The following C2orf76 variants were observed in gnomAD, a reference collection of about 807,000 sequenced individuals.
C2orf76 encodes the protein chromosome 2 open reading frame 76.
A neutral mutation model predicts 16.9 loss-of-function variants in C2orf76; 23 were observed. That is an observed-to-expected ratio of 1.36 (90% CI 0.98 to 1.93). The LOEUF (loss-of-function observed/expected upper bound fraction) is 1.93. Ranked by LOEUF, C2orf76 falls within the 30% of genes most tolerant of loss-of-function variation. C2orf76 has a pLI of 0.00. For synonymous variants in C2orf76, 48 were observed against 52.3 expected (o/e 0.92, Z 0.35); for missense variants, 152 against 152.6 (o/e 1.00, Z 0.02).
At position 119,329,541 on chromosome 2, in the gene C2orf76, T is replaced by C. The variant is rs373879114; in HGVS notation, c.134-8337A>G. Among the ~76,000 whole-genome samples the C allele has an allele frequency of 3.3e-5, 5 of 152,314 alleles. No homozygotes were observed. In the East Asian group the frequency reaches 7.7e-4, roughly 23 times the overall value. On this transcript the variant is annotated intron_variant, in intron 2 of 5. Coordinates refer to ENST00000334816, the MANE Select transcript of C2orf76 (RefSeq NM_001322331.2). ...AAGTTTGCTATTCTTTTAAATTTGTTCTCTATTTCCTCTTTTTCTATCTTC... is the reference window on the plus strand; with the variant it reads ...AAGTTTGCTATTCTTTTAAATTTGTCCTCTATTTCCTCTTTTTCTATCTTC...
intron 4 of C2orf76, among the ~76,000 whole-genome samples, chr2:119,314,506 C>T (rs756171831): frequency 1.3e-5 from 2 of 152,138 alleles, no homozygotes; most frequent in Non-Finnish European, 2.9e-5. Flanking sequence ...ATTTACTATA[C>T]ATTCAATTTC....
At chr2:119,296,762 C>G in the C2orf76 span, among the ~76,000 whole-genome samples, 18,031 of 152,178 alleles carry the variant, frequency 0.12, 2,469 homozygotes, top group African/African-American at 0.34. Context: ...CTCGTGGGAC[C>G]AGGGCCCAAG....
At chr2:119,346,488 A>G (rs1013431236) in intron 1 of C2orf76, among the ~76,000 whole-genome samples, 1 of 152,230 alleles carries the variant, frequency 6.6e-6, no homozygotes, top group Non-Finnish European at 1.5e-5. Context: ...TACAGGCAAC[A>G]ATCAGGGTGA....
At position 119,360,107 on chromosome 2, in the gene C2orf76, C is replaced by T. The variant is rs115419366; in HGVS notation, c.-13+6683G>A. ...GCCATCAACATTGAGGCAAGACCCT[C>T]GACCAGCAAAAGGATCATGACTCGT... On this transcript the variant is annotated intron_variant, in intron 1 of 5. Coordinates refer to ENST00000334816, the MANE Select transcript of C2orf76 (RefSeq NM_001322331.2). 4.0e-3 allele frequency among the ~76,000 whole-genome samples: 604 copies of T among 152,288 alleles called. 4 individuals carry two copies. Among genetic ancestry groups the T allele is most frequent in the African/African-American group, 0.011 (454 of 41,564 alleles).
Position 119,366,774 on chromosome 2 carries a change from C to G in C2orf76, c.-13+16G>C. On this transcript the variant is annotated intron_variant, in intron 1 of 5. Coordinates refer to ENST00000334816, the MANE Select transcript of C2orf76 (RefSeq NM_001322331.2). ...CCCGGCAGCAAAACTAAGCACCCTA[C>G]TTCCGTTGTCCCCACCTGTTCCCGG... The G allele has an allele frequency of 1.7e-6, 1 of 573,808 alleles. No individual in the cohort carries two copies. The highest frequency in any genetic ancestry group is 3.1e-6 in the Non-Finnish European group (1 of 323,600). The allele number at this position is 573,808 out of a possible 1,614,324, so 35.5% of individuals were successfully genotyped here. A position where few individuals can be genotyped will look rare whatever the true frequency, so the allele number is the denominator to read the frequency against.
intron 1 of C2orf76, among the ~76,000 whole-genome samples, chr2:119,359,650 A>C (rs1680681130): frequency 6.6e-6 from 1 of 152,236 alleles, no homozygotes; most frequent in Admixed American, 6.5e-5. Flanking sequence ...ATGTGGTGGA[A>C]ATAGCAAGAC....
chr2:119,296,516 G>A, the C2orf76 span, among the ~76,000 whole-genome samples: 3 of 152,086 alleles, frequency 2.0e-5, no homozygotes, highest in South Asian at 2.1e-4. Flanking sequence ...TCAGGCCCAC[G>A]ATGCCCCAAT....
At chr2:119,313,047 T>G (rs944031453) in intron 4 of C2orf76, among the ~76,000 whole-genome samples, 9 of 148,524 alleles carry the variant, frequency 6.1e-5, no homozygotes, top group Admixed American at 5.4e-4. Flanking sequence ...AAAAAAAAGT[T>G]GCTATCTGCC....
At chr2:119,335,305 T>C (rs1679813326) in intron 2 of C2orf76, among the ~76,000 whole-genome samples, 1 of 152,116 alleles carries the variant, frequency 6.6e-6, no homozygotes, top group Non-Finnish European at 1.5e-5. Context: ...AATGAACACA[T>C]CTAGTACCTA....
chr2:119,284,416 ACTT>A, the C2orf76 span, among the ~76,000 whole-genome samples: 3 of 152,042 alleles, frequency 2.0e-5, no homozygotes, highest in African/African-American at 4.8e-5. Flanking sequence ...AGGGCAGAAA[ACTT>A]CTCCACAGCA....
At chr2:119,340,813 C>T (rs1255940568) in intron 1 of C2orf76, among the ~76,000 whole-genome samples, 1 of 148,008 alleles carries the variant, frequency 6.8e-6, no homozygotes, top group East Asian at 2.0e-4. Flanking sequence ...AATTGGAAAA[C>T]CACCCCAAAT....
chr2:119,327,855 T>A (rs1328496559), intron 2 of C2orf76, among the ~76,000 whole-genome samples: 1 of 152,016 alleles, frequency 6.6e-6, no homozygotes, highest in Non-Finnish European at 1.5e-5. Flanking sequence ...TAATGTATTA[T>A]CCTTTTTAAA....
intron 4 of C2orf76, among the ~76,000 whole-genome samples, chr2:119,315,262 G>A (rs1344858745): frequency 6.6e-6 from 1 of 152,078 alleles, no homozygotes; most frequent in Admixed American, 6.6e-5. Context: ...TGTGGGAATG[G>A]GAAGAAATTT....
chr2:119,310,609 A>G (rs757725415), intron 5 of C2orf76, among the ~76,000 whole-genome samples: 1 of 152,238 alleles, frequency 6.6e-6, no homozygotes, highest in Non-Finnish European at 1.5e-5. Flanking sequence ...TAACAAGTGC[A>G]TATAAATAAT....
At chr2:119,325,999 G>A (rs1462597920) in intron 2 of C2orf76, among the ~76,000 whole-genome samples, 7 of 152,092 alleles carry the variant, frequency 4.6e-5, no homozygotes, top group African/African-American at 1.4e-4. Context: ...CTTGTTGGAT[G>A]TATGTTTTAC....
At chr2:119,362,393 T>C (rs1373364192) in intron 1 of C2orf76, among the ~76,000 whole-genome samples, 1 of 152,170 alleles carries the variant, frequency 6.6e-6, no homozygotes, top group Non-Finnish European at 1.5e-5. Flanking sequence ...GTCAGCTGTA[T>C]TTCTAATTTT....
downstream of C2orf76, among the ~76,000 whole-genome samples, chr2:119,301,785 A>G (rs1162124184): frequency 6.6e-6 from 1 of 152,190 alleles, no homozygotes; most frequent in Non-Finnish European, 1.5e-5. Flanking sequence ...AAGTGCAAGC[A>G]TCCTGCCGCT....
chr2:119,327,800 C>A (rs1399813074), intron 2 of C2orf76, among the ~76,000 whole-genome samples: 1 of 152,148 alleles, frequency 6.6e-6, no homozygotes, highest in African/African-American at 2.4e-5. Flanking sequence ...AATTACCCAG[C>A]TTCAGGTATT....
intron 2 of C2orf76, among the ~76,000 whole-genome samples, chr2:119,327,068 A>G (rs1299851281): frequency 1.3e-5 from 2 of 152,140 alleles, no homozygotes; most frequent in African/African-American, 2.4e-5. Flanking sequence ...GCCTTAATGA[A>G]CTGGCTAGAA....
Sources: gnomAD v4.1 joint callset for allele counts (sites outside exome capture counted in the v4.1 genomes callset) on GRCh38, gnomAD v4.1.1 for gene constraint, MANE v1.5 for transcripts, NCBI Gene and HGNC (gene_info 2026-07-23, HGNC 2026-07-21) for gene names.